NPEPPS: variants seen among roughly 807,000 people sequenced by gnomAD.
The protein encoded by NPEPPS is puromycin-sensitive aminopeptidase.
In NPEPPS, 14 loss-of-function variants were observed where a neutral mutation model predicts 115.5. The ratio of observed to expected loss-of-function variants is 0.12; its 90% CI spans 0.08 to 0.19. The LOEUF (loss-of-function observed/expected upper bound fraction) is 0.19. Among genes scored for constraint, NPEPPS ranks in the 10% least tolerant of loss-of-function variants. The pLI is 1.00. For synonymous variants in NPEPPS, 285 were observed against 390.6 expected, an observed-to-expected ratio of 0.73 and a Z score of 3.19; for missense variants, 523 against 1,110.8, an observed-to-expected ratio of 0.47 and a Z score of 7.52.
chr17:47,604,341 AC>A (rs1823293372), intron 16 of NPEPPS, among the ~76,000 whole-genome samples: 1 of 152,144 alleles, frequency 6.6e-6, no homozygotes, highest in African/African-American at 2.4e-5. Flanking sequence ...TGAAGAAATG[AC>A]CCTACTGATA....
intron 2 of NPEPPS, among the ~76,000 whole-genome samples, chr17:47,568,513 T>C (rs562287775): frequency 1.3e-5 from 2 of 152,234 alleles, no homozygotes; most frequent in Non-Finnish European, 1.5e-5. Flanking sequence ...AGGACATAGT[T>C]GGAAGTTGGT....
intron 1 of NPEPPS, among the ~76,000 whole-genome samples, chr17:47,541,798 T>C (rs1190178906): frequency 6.6e-6 from 1 of 152,234 alleles, no homozygotes; most frequent in Admixed American, 6.5e-5. Context: ...AGGTATGTTT[T>C]GGTGAAATAG....
At chr17:47,587,203 G>C (rs1173729776) in intron 8 of NPEPPS, 27 bp from the exon 9 acceptor site, 1 of 1,488,626 alleles carries the variant, frequency 6.7e-7, no homozygotes, top group South Asian at 1.4e-5. Context: ...GTTTAAATTT[G>C]TTTCTTTTTT....
chr17:47,523,756 C>G (rs1297742796), intron 1 of NPEPPS, among the ~76,000 whole-genome samples: 2 of 152,128 alleles, frequency 1.3e-5, no homozygotes, highest in Non-Finnish European at 2.9e-5. Context: ...TCTCAAACCA[C>G]TGGAGAAATC....
At chr17:47,568,844 G>T (rs1389378646) in intron 2 of NPEPPS, among the ~76,000 whole-genome samples, 1 of 151,326 alleles carries the variant, frequency 6.6e-6, no homozygotes, top group African/African-American at 2.4e-5. Flanking sequence ...TAGTAGAGAC[G>T]GGGTTTCTCC....
chr17:47,588,087 C>T (rs921894145), intron 9 of NPEPPS, among the ~76,000 whole-genome samples: 1 of 151,936 alleles, frequency 6.6e-6, no homozygotes, highest in Non-Finnish European at 1.5e-5. Flanking sequence ...TTTTAGGCTG[C>T]CAAAGAGCAG....
rs767620076 is a variant in NPEPPS at position 47,602,499 on chromosome 17, G to A, written c.1740+752G>A. 7.2e-5 allele frequency among the ~76,000 whole-genome samples: 11 copies of A among 152,014 alleles called. No homozygotes were observed. The South Asian group carries it at 1.0e-3, about 14-fold the overall frequency. On this transcript the variant is annotated intron_variant, in intron 15 of 22. Coordinates refer to ENST00000322157, the MANE Select transcript of NPEPPS (RefSeq NM_006310.4). ...GATACGAAAAAAAAATTAGCTAGTC[G>A]TGATGGTGTGCACCTGTAATCCCAG...
intron 11 of NPEPPS, 101 bp downstream of exon 11, chr17:47,592,161 T>C (rs1270788200): frequency 5.4e-5 from 35 of 649,900 alleles, no homozygotes; most frequent in Non-Finnish European, 8.1e-5. Context: ...CCCAAATAGT[T>C]TCTGGCTTGT....
At chr17:47,527,780 T>C (rs1380240436), upstream of NPEPPS, among the ~76,000 whole-genome samples, 2 of 146,848 alleles carry the variant, frequency 1.4e-5, no homozygotes, top group Admixed American at 6.7e-5. Context: ...AACAAACAAA[T>C]AAAACTAAAA....
At chr17:47,531,899 A>G (rs2143650462) in intron 1 of NPEPPS, among the ~76,000 whole-genome samples, 1 of 152,140 alleles carries the variant, frequency 6.6e-6, no homozygotes, top group African/African-American at 2.4e-5. Context: ...TGGGCTTGAT[A>G]GTGTTCCGGG....
intron 4 of NPEPPS, 190 bp downstream of exon 4, chr17:47,579,701 G>T (rs1182741388): frequency 2.1e-6 from 1 of 485,048 alleles, no homozygotes; most frequent in Non-Finnish European, 3.8e-6. Flanking sequence ...GGTATGGGTT[G>T]GGGAATGATT....
chr17:47,541,814 A>G (rs2143695895), intron 1 of NPEPPS, among the ~76,000 whole-genome samples: 1 of 152,328 alleles, frequency 6.6e-6, no homozygotes, highest in African/African-American at 2.4e-5. Context: ...AATAGTGTGA[A>G]GGAATATTGC....
rs1567877337 is a variant in NPEPPS at position 47,622,943 on chromosome 17, A to C, written c.*1023A>C. 2.2e-6 allele frequency: 1 copy of C among 456,034 alleles called. No homozygotes were observed. 28.2% of individuals were successfully genotyped at this position (456,034 alleles called of 1,614,324 possible). On this transcript the variant is annotated 3_prime_UTR_variant, in exon 23 of 23. Transcript: ENST00000322157. Reference sequence around the variant, plus strand: ...TCAGTGGTAACTGCTGCAGGGCTTAATACATTAGTGGTAACTGGTTTAAAA... The same window carrying C: ...TCAGTGGTAACTGCTGCAGGGCTTACTACATTAGTGGTAACTGGTTTAAAA...
intron 14 of NPEPPS, among the ~76,000 whole-genome samples, chr17:47,600,847 A>G (rs539490099): frequency 6.6e-6 from 1 of 152,326 alleles, no homozygotes; most frequent in African/African-American, 2.4e-5. Flanking sequence ...TATCCTGTCT[A>G]TCACAACAAT....
intron 1 of NPEPPS, among the ~76,000 whole-genome samples, chr17:47,542,487 G>C (rs552404466): frequency 6.6e-6 from 1 of 150,694 alleles, no homozygotes. Context: ...CGGAGGTTGC[G>C]GTGAGCCGAG....
Position 47,608,767 on chromosome 17 carries a change from G to A in NPEPPS, c.2095+3215G>A, listed in dbSNP as rs1913671293. Among the ~76,000 whole-genome samples, 4 of 152,104 alleles carry A rather than the reference G, an allele frequency of 2.6e-5. No homozygotes were observed. In the South Asian group the frequency reaches 8.3e-4, roughly 31 times the overall value. On this transcript the variant is annotated intron_variant, in intron 17 of 22. Transcript: ENST00000322157. The stretch of plus-strand genomic sequence containing the variant: ...GAAGGAGAGCCAGGAGAGAGGGGGG[G>A]TATCCCAGAATTTAAATAAATAGTA...
intron 1 of NPEPPS, among the ~76,000 whole-genome samples, chr17:47,533,189 A>G (rs936888085): frequency 2.0e-5 from 3 of 152,222 alleles, no homozygotes; most frequent in Non-Finnish European, 4.4e-5. Flanking sequence ...TAGCTGTCAC[A>G]TTTGGAGCAC....
At chr17:47,543,160 A>G (rs551008337) in intron 1 of NPEPPS, among the ~76,000 whole-genome samples, 7 of 151,804 alleles carry the variant, frequency 4.6e-5, no homozygotes, top group South Asian at 2.1e-4. Context: ...AAAAAAAAAA[A>G]AAAGAAAAAT....
At chr17:47,559,126 C>T (rs536900403) in intron 2 of NPEPPS, among the ~76,000 whole-genome samples, 10 of 152,276 alleles carry the variant, frequency 6.6e-5, no homozygotes, top group Non-Finnish European at 1.2e-4. Flanking sequence ...TTACTGCAAC[C>T]TCAAACTCCT....
Sources: gnomAD v4.1 joint callset for allele counts (sites outside exome capture counted in the v4.1 genomes callset) on GRCh38, gnomAD v4.1.1 for gene constraint, MANE v1.5 for transcripts, NCBI Gene and HGNC (gene_info 2026-07-23, HGNC 2026-07-21) for gene names.